IMMP2L: variants seen among roughly 807,000 people sequenced by gnomAD.
The protein encoded by IMMP2L is inner mitochondrial membrane peptidase subunit 2, also known as mitochondrial inner membrane protease subunit 2.
A neutral mutation model predicts 19.3 loss-of-function variants in IMMP2L; 18 were observed. The ratio of observed to expected loss-of-function variants is 0.93; its 90% CI spans 0.64 to 1.38. The LOEUF (loss-of-function observed/expected upper bound fraction) is 1.38. IMMP2L is among the 40% of genes most tolerant of loss of function. The pLI, the probability that IMMP2L is intolerant of heterozygous loss-of-function variation, is 0.00. For synonymous variants in IMMP2L, 76 were observed against 73.0 expected (o/e 1.04, Z -0.21); for missense variants, 233 against 218.2 (o/e 1.07, Z -0.43).
chr7:110,772,156 A>G (rs1215658457), intron 5 of IMMP2L, among the ~76,000 whole-genome samples: 1 of 152,128 alleles, frequency 6.6e-6, no homozygotes, highest in African/African-American at 2.4e-5. Flanking sequence ...GATGTGGTAG[A>G]AAATGGAATA....
rs529725221 is a variant in IMMP2L at position 110,990,848 on chromosome 7, T to C, written c.240-27283A>G. On this transcript the variant is annotated intron_variant, in intron 3 of 5. Coordinates refer to ENST00000405709, the MANE Select transcript of IMMP2L (RefSeq NM_032549.4). ...TTAGACCCATTAGACCTAACTGTAC[T>C]GTCCTGGGCTATAAACCCTCAACAA... Among the ~76,000 whole-genome samples, 7 of 152,316 alleles carry C rather than the reference T, an allele frequency of 4.6e-5. No homozygotes were observed. In the South Asian group the frequency reaches 1.2e-3, roughly 27 times the overall value.
In IMMP2L at chr7:110,682,324, T is replaced by C. The variant is rs150486198; in HGVS notation, c.409-18603A>G. Among the ~76,000 whole-genome samples the C allele has an allele frequency of 5.9e-3, 903 of 152,310 alleles. 6 individuals carry two copies. The highest frequency in any genetic ancestry group is 0.021 in the African/African-American group (858 of 41,558). On this transcript the variant is annotated intron_variant, in intron 5 of 5. Transcript: ENST00000405709. Reference sequence around the variant, plus strand: ...ACCTCTTCCCAGTTTCAACAGCTTGTGAATAATTCTAACTAATAATTATCA... The same window carrying C: ...ACCTCTTCCCAGTTTCAACAGCTTGCGAATAATTCTAACTAATAATTATCA...
In IMMP2L at chr7:110,813,688, G is replaced by T. The variant is rs944698022; in HGVS notation, c.408+72905C>A. On this transcript the variant is annotated intron_variant, in intron 5 of 5. Transcript: ENST00000405709. The stretch of plus-strand genomic sequence containing the variant: ...GGATGTTAACTGTAGATAAAAATAA[G>T]AAAGCTAAGAAGTATAATTATGAAG... Among the ~76,000 whole-genome samples the T allele has an allele frequency of 2.0e-5, 3 of 151,376 alleles. No individual in the cohort carries two copies. The East Asian group carries it at 5.8e-4, about 29-fold the overall frequency.
chr7:111,023,232 G>C (rs1435114813), intron 3 of IMMP2L, among the ~76,000 whole-genome samples: 1 of 152,150 alleles, frequency 6.6e-6, no homozygotes, highest in Non-Finnish European at 1.5e-5. Flanking sequence ...TTGAAAGTAA[G>C]CTTTCTATTT....
chr7:110,681,596 A>T (rs1177261299), intron 5 of IMMP2L, among the ~76,000 whole-genome samples: 1 of 152,138 alleles, frequency 6.6e-6, no homozygotes, highest in Non-Finnish European at 1.5e-5. Context: ...AAAAATAAAG[A>T]AATGTGGTTA....
intron 5 of IMMP2L, among the ~76,000 whole-genome samples, chr7:110,697,859 G>C (rs1427686257): frequency 6.6e-6 from 1 of 152,126 alleles, no homozygotes; most frequent in Non-Finnish European, 1.5e-5. Context: ...AGAATTACTT[G>C]TGCACATTAT....
chr7:110,777,950 C>T (rs1799501876), intron 5 of IMMP2L, among the ~76,000 whole-genome samples: 1 of 151,932 alleles, frequency 6.6e-6, no homozygotes, highest in Non-Finnish European at 1.5e-5. Flanking sequence ...CATTTTCTAA[C>T]TGATGGACAG....
At chr7:110,772,919 C>G (rs1026330553) in intron 5 of IMMP2L, among the ~76,000 whole-genome samples, 1 of 152,022 alleles carries the variant, frequency 6.6e-6, no homozygotes, top group African/African-American at 2.4e-5. Context: ...ACTCCAGTTT[C>G]GAACGAGAAG....
At chr7:111,455,387 A>G (rs928983981) in intron 3 of IMMP2L, among the ~76,000 whole-genome samples, 7 of 151,950 alleles carry the variant, frequency 4.6e-5, no homozygotes, top group Non-Finnish European at 5.9e-5. Flanking sequence ...CATGATTTTA[A>G]CCTTTCTTTA....
At chr7:111,104,042 T>A (rs1358974261) in intron 3 of IMMP2L, among the ~76,000 whole-genome samples, 1 of 151,762 alleles carries the variant, frequency 6.6e-6, no homozygotes, top group Non-Finnish European at 1.5e-5. Context: ...GTGTGTGAAA[T>A]GAAAAGTTAC....
At chr7:111,312,721 C>A (rs768130330) in intron 3 of IMMP2L, among the ~76,000 whole-genome samples, 1 of 151,934 alleles carries the variant, frequency 6.6e-6, no homozygotes, top group Non-Finnish European at 1.5e-5. Flanking sequence ...CTGAGCTGAC[C>A]CTGCATGGAA....
chr7:110,671,798 A>C (rs1405858853), intron 5 of IMMP2L, among the ~76,000 whole-genome samples: 1 of 152,192 alleles, frequency 6.6e-6, no homozygotes. Flanking sequence ...AAGCAAATGC[A>C]AAAGAGCCTT....
At chr7:111,496,843 C>T (rs1843637877) in intron 2 of IMMP2L, among the ~76,000 whole-genome samples, 1 of 152,082 alleles carries the variant, frequency 6.6e-6, no homozygotes, top group Non-Finnish European at 1.5e-5. Flanking sequence ...ACTTCTTAGC[C>T]TCCATGATCA....
chr7:110,927,335 A>G (rs1814967697), intron 4 of IMMP2L, among the ~76,000 whole-genome samples: 1 of 152,126 alleles, frequency 6.6e-6, no homozygotes, highest in South Asian at 2.1e-4. Flanking sequence ...CGAAAGGCAT[A>G]ATAATGGCTC....
chr7:110,944,439 C>G (rs1817034299), intron 4 of IMMP2L, among the ~76,000 whole-genome samples: 1 of 147,918 alleles, frequency 6.8e-6, no homozygotes, highest in Admixed American at 6.7e-5. Flanking sequence ...TAGTATAGCT[C>G]AAGCACATAG....
intron 3 of IMMP2L, among the ~76,000 whole-genome samples, chr7:111,466,955 T>C (rs1840733672): frequency 1.3e-5 from 2 of 152,186 alleles, no homozygotes; most frequent in South Asian, 4.1e-4. Context: ...TGAGCATCTT[T>C]GGATTTTGGT....
chr7:111,365,628 G>A (rs1456134629), intron 3 of IMMP2L, among the ~76,000 whole-genome samples: 2 of 152,112 alleles, frequency 1.3e-5, no homozygotes, highest in Non-Finnish European at 2.9e-5. Flanking sequence ...TTACCAACTA[G>A]TTTATAAACC....
intron 4 of IMMP2L, among the ~76,000 whole-genome samples, chr7:110,923,953 C>A (rs187641134): frequency 4.5e-4 from 69 of 152,268 alleles, no homozygotes; most frequent in African/African-American, 1.6e-3. Flanking sequence ...GAATAGCCCC[C>A]CACTGATGCA....
intron 3 of IMMP2L, among the ~76,000 whole-genome samples, chr7:111,187,981 A>C (rs1266674223): frequency 6.6e-6 from 1 of 151,782 alleles, no homozygotes; most frequent in Non-Finnish European, 1.5e-5. Context: ...AAAGGAGGGC[A>C]TGGGGATAGA....
Sources: gnomAD v4.1 joint callset for allele counts (sites outside exome capture counted in the v4.1 genomes callset) on GRCh38, gnomAD v4.1.1 for gene constraint, MANE v1.5 for transcripts, NCBI Gene and HGNC (gene_info 2026-07-23, HGNC 2026-07-21) for gene names.